Variants in LOC128706665 observed in about 807,000 individuals in gnomAD.
chr20:10,415,796 T>C, the LOC128706665 span, among the ~76,000 whole-genome samples: 1 of 152,268 alleles, frequency 6.6e-6, no homozygotes, highest in African/African-American at 2.4e-5. Flanking sequence ...CAGAATGCCA[T>C]GTTGGCACCT....
At chr20:10,424,862 G>A in the LOC128706665 span, among the ~76,000 whole-genome samples, 1 of 152,088 alleles carries the variant, frequency 6.6e-6, no homozygotes, top group East Asian at 1.9e-4. Flanking sequence ...GACCAGTCTG[G>A]CCAACATGGT....
the LOC128706665 span, among the ~76,000 whole-genome samples, chr20:10,417,229 G>C: frequency 7.5e-6 from 1 of 133,826 alleles, no homozygotes; most frequent in African/African-American, 2.9e-5. Flanking sequence ...CTGGGTGACA[G>C]AGTGAGACTC....
the LOC128706665 span, among the ~76,000 whole-genome samples, chr20:10,429,104 T>A: frequency 5.9e-5 from 9 of 152,146 alleles, no homozygotes; most frequent in Non-Finnish European, 1.2e-4. Flanking sequence ...CTACACAATC[T>A]CTTTCCTTTC....
At chr20:10,427,202 C>G in the LOC128706665 span, among the ~76,000 whole-genome samples, 1 of 152,122 alleles carries the variant, frequency 6.6e-6, no homozygotes, top group Non-Finnish European at 1.5e-5. Context: ...TTTTTAATTG[C>G]TTCCTGCAAA....
the LOC128706665 span, among the ~76,000 whole-genome samples, chr20:10,419,724 A>T: frequency 3.9e-5 from 6 of 152,212 alleles, no homozygotes; most frequent in Admixed American, 3.9e-4. Context: ...GAGTGCTGCT[A>T]AGTGACTAAC....
the LOC128706665 span, among the ~76,000 whole-genome samples, chr20:10,423,410 C>T: frequency 6.6e-6 from 1 of 151,694 alleles, no homozygotes; most frequent in African/African-American, 2.4e-5. Flanking sequence ...TGATGAAATG[C>T]GATCGTTTCA....
chr20:10,428,911 T>C, the LOC128706665 span, among the ~76,000 whole-genome samples: 1 of 152,184 alleles, frequency 6.6e-6, no homozygotes, highest in Non-Finnish European at 1.5e-5. Flanking sequence ...ATTACCTGTG[T>C]TCCAGTCCCA....
the LOC128706665 span, among the ~76,000 whole-genome samples, chr20:10,424,888 C>G: frequency 6.6e-6 from 1 of 151,758 alleles, no homozygotes; most frequent in Non-Finnish European, 1.5e-5. Flanking sequence ...CCTGTCTCTA[C>G]TAAAAATACA....
chr20:10,419,924 G>A, the LOC128706665 span, among the ~76,000 whole-genome samples: 31 of 152,314 alleles, frequency 2.0e-4, no homozygotes, highest in East Asian at 5.2e-3. Context: ...AAGCCAAACT[G>A]CGGATAAAGG....
At chr20:10,413,944 A>T in the LOC128706665 span, 1 of 403,502 alleles carries the variant, frequency 2.5e-6, no homozygotes, top group Non-Finnish European at 4.4e-6. Flanking sequence ...AATAAATAAT[A>T]AAAAAAACAT....
the LOC128706665 span, among the ~76,000 whole-genome samples, chr20:10,433,769 G>A: frequency 6.6e-6 from 1 of 152,104 alleles, no homozygotes; most frequent in Admixed American, 6.5e-5. Flanking sequence ...CCCTCCCAGC[G>A]AGGGAGGGGA....
the LOC128706665 span, among the ~76,000 whole-genome samples, chr20:10,424,418 A>T: frequency 1.3e-5 from 2 of 152,052 alleles, no homozygotes; most frequent in Non-Finnish European, 2.9e-5. Context: ...TATATTTTTA[A>T]AAAATGACAT....
At chr20:10,413,972 C>T in the LOC128706665 span, 6 of 402,618 alleles carry the variant, frequency 1.5e-5, no homozygotes, top group Admixed American at 2.5e-4. Flanking sequence ...AAATACTTCC[C>T]AAGCAGTTTG....
the LOC128706665 span, among the ~76,000 whole-genome samples, chr20:10,423,250 T>C: frequency 1.3e-5 from 2 of 152,026 alleles, no homozygotes; most frequent in East Asian, 1.9e-4. Flanking sequence ...CAAAACCCGT[T>C]TCTACAAAAA....
chr20:10,434,222 C>G, the LOC128706665 span: 4 of 152,256 alleles, frequency 2.6e-5, no homozygotes, highest in Non-Finnish European at 5.9e-5. Flanking sequence ...CGCGAGGGCA[C>G]GGAGCACGCG....
At chr20:10,421,257 T>C in the LOC128706665 span, among the ~76,000 whole-genome samples, 1 of 150,018 alleles carries the variant, frequency 6.7e-6, no homozygotes, top group South Asian at 2.2e-4. Context: ...CAGTGAAACA[T>C]CGTTTCTACT....
chr20:10,420,573 A>C, the LOC128706665 span: 5 of 152,200 alleles, frequency 3.3e-5, no homozygotes, highest in South Asian at 8.3e-4. Context: ...GGCTCTTCTG[A>C]AGATTTGAAA....
At chr20:10,431,783 C>G in the LOC128706665 span, 3 of 152,210 alleles carry the variant, frequency 2.0e-5, no homozygotes, top group East Asian at 3.8e-4. Context: ...CTGCTATATT[C>G]CTAGTGCGTA....
chr20:10,418,901 T>C, the LOC128706665 span, among the ~76,000 whole-genome samples: 1 of 152,164 alleles, frequency 6.6e-6, no homozygotes, highest in Non-Finnish European at 1.5e-5. Context: ...ATATTAAAAC[T>C]CTTCCTATAA....
Sources: gnomAD v4.1 joint callset for allele counts (sites outside exome capture counted in the v4.1 genomes callset) on GRCh38, gnomAD v4.1.1 for gene constraint, MANE v1.5 for transcripts.